VWA8: variants seen among roughly 807,000 people sequenced by gnomAD.
The protein encoded by VWA8 is von Willebrand factor A domain-containing protein 8.
A neutral mutation model predicts 241.5 loss-of-function variants in VWA8; 221 were observed. That is an observed-to-expected ratio of 0.91 (90% CI 0.82 to 1.02). VWA8 has a LOEUF of 1.02. VWA8 is among the 50% of genes least tolerant of loss of function. The pLI is 0.00. For synonymous variants in VWA8, 852 were observed against 827.1 expected, an observed-to-expected ratio of 1.03 and a Z score of -0.52; for missense variants, 2,322 against 2,328.7, an observed-to-expected ratio of 1.00 and a Z score of 0.06.
At chr13:41,806,500 G>A (rs538063288) in intron 17 of VWA8, among the ~76,000 whole-genome samples, 7 of 152,152 alleles carry the variant, frequency 4.6e-5, no homozygotes, top group East Asian at 1.9e-4. Flanking sequence ...TCAGGAGATC[G>A]AGACCATCCT....
At chr13:41,944,041 G>T (rs1877725223) in intron 2 of VWA8, among the ~76,000 whole-genome samples, 1 of 151,774 alleles carries the variant, frequency 6.6e-6, no homozygotes. Flanking sequence ...GGAGGCAGAG[G>T]CTGCAGTGAG....
At chr13:41,851,653 A>G (rs1484119805) in intron 12 of VWA8, among the ~76,000 whole-genome samples, 1 of 151,988 alleles carries the variant, frequency 6.6e-6, no homozygotes, top group Non-Finnish European at 1.5e-5. Context: ...GCCTCCCACC[A>G]TGATTCTGAG....
chr13:41,705,184 C>A (rs188679740), intron 26 of VWA8, among the ~76,000 whole-genome samples: 127 of 151,772 alleles, frequency 8.4e-4, no homozygotes, highest in Non-Finnish European at 1.5e-3. Flanking sequence ...AAAGCACACA[C>A]ACACTTTTGA....
intron 37 of VWA8, among the ~76,000 whole-genome samples, chr13:41,658,499 C>T (rs987945879): frequency 3.9e-5 from 6 of 152,208 alleles, no homozygotes; most frequent in African/African-American, 1.4e-4. Flanking sequence ...AACACAGTCA[C>T]GATTACCTCA....
At chr13:41,659,406 T>G (rs564302556) in intron 37 of VWA8, among the ~76,000 whole-genome samples, 1 of 152,252 alleles carries the variant, frequency 6.6e-6, no homozygotes, top group African/African-American at 2.4e-5. Context: ...TTAAATGAAT[T>G]AAAAGCCTGC....
chr13:41,881,372 C>CCGGGGGGGG (rs1491423444), intron 9 of VWA8, among the ~76,000 whole-genome samples: 1 of 8,296 alleles, frequency 1.2e-4, no homozygotes, highest in Non-Finnish European at 1.9e-4. Context: ...TTTTTTTTGC[C>CCGGGGGGGG]GGGGGGGGGG....
At chr13:41,744,373 G>A (rs1352896876) in intron 21 of VWA8, among the ~76,000 whole-genome samples, 4 of 152,190 alleles carry the variant, frequency 2.6e-5, no homozygotes, top group African/African-American at 7.2e-5. Context: ...AGATCTTCTA[G>A]CAATACTTTT....
At chr13:41,792,805 AG>A (rs573468460) in intron 17 of VWA8, among the ~76,000 whole-genome samples, 1 of 152,050 alleles carries the variant, frequency 6.6e-6, no homozygotes, top group Non-Finnish European at 1.5e-5. Context: ...GATTATTCTT[AG>A]TTGTGCAAAG....
intron 37 of VWA8, among the ~76,000 whole-genome samples, chr13:41,662,821 A>G (rs1419217022): frequency 2.6e-5 from 4 of 152,144 alleles, no homozygotes. Context: ...CATTACAGGG[A>G]AAGCGTTCAG....
At chr13:41,579,052 G>A (rs2044366854) in intron 42 of VWA8, among the ~76,000 whole-genome samples, 1 of 152,198 alleles carries the variant, frequency 6.6e-6, no homozygotes, top group South Asian at 2.1e-4. Flanking sequence ...AGAATGCATA[G>A]GACAAAGTGC....
At chr13:41,677,177 T>C (rs986061395) in intron 35 of VWA8, among the ~76,000 whole-genome samples, 2 of 152,036 alleles carry the variant, frequency 1.3e-5, no homozygotes, top group Admixed American at 1.3e-4. Context: ...TCCTGGATAG[T>C]AAAGAATATG....
intron 2 of VWA8, among the ~76,000 whole-genome samples, chr13:41,946,121 T>G (rs948894786): frequency 1.3e-5 from 2 of 149,018 alleles, no homozygotes; most frequent in African/African-American, 5.0e-5. Flanking sequence ...ATATTCAAAG[T>G]GCTGAAAAAA....
chr13:41,646,562 T>C (rs73466913), intron 37 of VWA8, among the ~76,000 whole-genome samples: 3,073 of 152,304 alleles, frequency 0.02, 118 homozygotes, highest in African/African-American at 0.069. Context: ...GTCCATCTCC[T>C]TCTAAAACCC....
intron 37 of VWA8, among the ~76,000 whole-genome samples, chr13:41,652,554 T>C (rs1249619651): frequency 6.6e-6 from 1 of 152,202 alleles, no homozygotes; most frequent in Non-Finnish European, 1.5e-5. Flanking sequence ...TTTTAGACCC[T>C]GTATTCATTG....
At chr13:41,695,598 G>A (rs1228795347) in intron 29 of VWA8, among the ~76,000 whole-genome samples, 2 of 152,138 alleles carry the variant, frequency 1.3e-5, no homozygotes, top group Non-Finnish European at 2.9e-5. Flanking sequence ...GAGGTATATT[G>A]TAAAATAAGA....
chr13:41,926,971 A>G, intron 2 of VWA8: 2 of 503,340 alleles, frequency 4.0e-6, no homozygotes, highest in East Asian at 1.0e-4. Flanking sequence ...TTAATCTGTG[A>G]TCATCCACAG....
intron 15 of VWA8, among the ~76,000 whole-genome samples, chr13:41,817,527 G>T (rs1348503359): frequency 6.6e-6 from 1 of 152,120 alleles, no homozygotes; most frequent in Non-Finnish European, 1.5e-5. Context: ...GGTTTCATTG[G>T]TCATTTAAGT....
intron 43 of VWA8, among the ~76,000 whole-genome samples, chr13:41,573,488 T>TAA (rs1472867016): frequency 4.4e-5 from 5 of 113,292 alleles, no homozygotes; most frequent in South Asian, 5.9e-4. Context: ...AAAAAAAAAA[T>TAA]ATATATATAT....
intron 35 of VWA8, among the ~76,000 whole-genome samples, chr13:41,680,996 G>A (rs1327624677): frequency 6.6e-6 from 1 of 152,134 alleles, no homozygotes; most frequent in Non-Finnish European, 1.5e-5. Flanking sequence ...TCCCAACTCC[G>A]GGGCCTCTGT....
Sources: allele counts gnomAD v4.1 joint callset (sites outside exome capture counted in the v4.1 genomes callset), GRCh38; gene constraint gnomAD v4.1.1; transcripts MANE v1.5; gene names NCBI Gene and HGNC (gene_info 2026-07-23, HGNC 2026-07-21).